Variants in LRRC1 observed in about 807,000 individuals in gnomAD.
LRRC1 encodes leucine rich repeat containing 1.
In LRRC1, 28 loss-of-function variants were observed where a neutral mutation model predicts 69.9. That is an observed-to-expected ratio of 0.40 (90% CI 0.30 to 0.55). The LOEUF (loss-of-function observed/expected upper bound fraction) is 0.55. Among genes scored for constraint, LRRC1 ranks in the 20% least tolerant of loss-of-function variants. The pLI, the probability that LRRC1 is intolerant of heterozygous loss-of-function variation, is 0.47. For synonymous variants in LRRC1, 236 were observed against 240.2 expected (o/e 0.98, Z 0.16); for missense variants, 498 against 609.0 (o/e 0.82, Z 1.92).
At chr6:53,835,960 G>A (rs1020184227) in intron 1 of LRRC1, among the ~76,000 whole-genome samples, 1 of 152,086 alleles carries the variant, frequency 6.6e-6, no homozygotes, top group African/African-American at 2.4e-5. Context: ...TTTGTGACTT[G>A]CTTTGACCAA....
Position 53,920,671 on chromosome 6 carries a change from C to T in LRRC1, c.1326C>T (p.Val442=). The T allele has an allele frequency of 1.2e-6, 2 of 1,614,120 alleles. No individual in the cohort carries two copies. The highest frequency in any genetic ancestry group is 8.5e-7 in the Non-Finnish European group (1 of 1,180,000). ...CACTGGAGAACTTGGTAAATGATGT[C>T]TCTGATGAAGCCTGGAACGAGCGTG... ...CGALENLVND[V]SDEAWNERAV... is the part of the protein sequence containing the mutation. The change falls in exon 13 of 14, where the codon GTC becomes GTT. Residue 442 remains valine (V), a synonymous_variant. Coordinates refer to ENST00000370888, the MANE Select transcript of LRRC1 (RefSeq NM_018214.5).
intron 1 of LRRC1, among the ~76,000 whole-genome samples, chr6:53,834,877 G>T (rs905182172): frequency 6.6e-6 from 1 of 152,182 alleles, no homozygotes; most frequent in Non-Finnish European, 1.5e-5. Context: ...CAGGAGAATG[G>T]TGTGAACCCG....
At chr6:53,857,133 T>A (rs933830886) in intron 2 of LRRC1, among the ~76,000 whole-genome samples, 1 of 152,096 alleles carries the variant, frequency 6.6e-6, no homozygotes, top group Admixed American at 6.5e-5. Context: ...GGGAGAAACT[T>A]TAATAGGAGA....
intron 2 of LRRC1, among the ~76,000 whole-genome samples, chr6:53,877,297 A>G (rs542331010): frequency 2.0e-4 from 30 of 152,080 alleles, no homozygotes; most frequent in Admixed American, 7.2e-4. Flanking sequence ...CCAGGAAACA[A>G]TTTTCTCCTA....
At chr6:53,840,927 T>TGTGTGTGTGTGTGC (rs578018808) in intron 1 of LRRC1, among the ~76,000 whole-genome samples, 26 of 132,602 alleles carry the variant, frequency 2.0e-4, no homozygotes, top group Admixed American at 6.0e-4. Context: ...TGTGTGTGTG[T>TGTGTGTGTGTGTGC]GCGTGCGCGC....
At position 53,919,628 on chromosome 6, in the gene LRRC1, T is replaced by A. The variant is rs774699394; in HGVS notation, c.1237T>A (p.Cys413Ser). The change falls in exon 12 of 14, where the codon TGT (cysteine) becomes AGT (serine). Residue 413 changes from cysteine to serine, a missense_variant. Cys to Ser is a moderately radical substitution (Grantham distance 112). This residue lies in a region of LRRC1 where 162 missense variants were observed against 162.9 expected (regional missense o/e 0.99). Transcript: ENST00000370888. ...DYTTGEKILTCVLLPQLPSEP... is the reference protein window; with the variant it reads ...DYTTGEKILTSVLLPQLPSEP... Reference sequence around the variant, plus strand: ...CACCACAGGAGAGAAGATTTTAACCTGTGTCTTACTTCCTCAGCTGCCTTC... The same window carrying A: ...CACCACAGGAGAGAAGATTTTAACCAGTGTCTTACTTCCTCAGCTGCCTTC... 2 of 1,613,820 alleles carry A rather than the reference T, an allele frequency of 1.2e-6. No homozygotes were observed. The highest frequency in any genetic ancestry group is 2.2e-5 in the South Asian group (2 of 91,014).
intron 10 of LRRC1, among the ~76,000 whole-genome samples, chr6:53,909,913 T>C (rs1768357906): frequency 6.6e-6 from 1 of 152,180 alleles, no homozygotes; most frequent in South Asian, 2.1e-4. Flanking sequence ...CCCTTATACT[T>C]AAGGCAAGCA....
intron 8 of LRRC1, among the ~76,000 whole-genome samples, 156 bp downstream of exon 8, chr6:53,900,047 T>G (rs1250510382): frequency 3.2e-5 from 3 of 94,970 alleles, no homozygotes; most frequent in East Asian, 3.7e-4. Flanking sequence ...TTTTTTTTTT[T>G]TTTTTTCTGA....
intron 2 of LRRC1, among the ~76,000 whole-genome samples, chr6:53,867,533 A>G (rs938260263): frequency 6.6e-6 from 1 of 152,236 alleles, no homozygotes; most frequent in African/African-American, 2.4e-5. Context: ...GTTGTAGGAA[A>G]AAGATTAATT....
intron 9 of LRRC1, among the ~76,000 whole-genome samples, chr6:53,903,844 G>A (rs1237645397): frequency 2.6e-5 from 4 of 152,342 alleles, no homozygotes; most frequent in South Asian, 4.1e-4. Flanking sequence ...GGATTGCACT[G>A]GAGTGTTGAA....
intron 1 of LRRC1, 104 bp from the exon 2 acceptor site, chr6:53,842,006 A>G: frequency 2.9e-6 from 2 of 679,834 alleles, no homozygotes; most frequent in South Asian, 3.8e-5. Context: ...TGTTGCTACA[A>G]CCTTCATTAG....
chr6:53,796,245 A>C (rs1764298173), intron 1 of LRRC1, among the ~76,000 whole-genome samples: 1 of 152,224 alleles, frequency 6.6e-6, no homozygotes, highest in Non-Finnish European at 1.5e-5. Context: ...TGATCACTCC[A>C]TTGCCGCCGA....
At chr6:53,840,503 C>T (rs1443488478) in intron 1 of LRRC1, among the ~76,000 whole-genome samples, 3 of 151,928 alleles carry the variant, frequency 2.0e-5, no homozygotes, top group African/African-American at 7.3e-5. Flanking sequence ...GGTGGGCCCT[C>T]TCAAACCAGA....
intron 1 of LRRC1, among the ~76,000 whole-genome samples, chr6:53,804,941 A>G (rs1189475486): frequency 6.6e-6 from 1 of 152,242 alleles, no homozygotes; most frequent in African/African-American, 2.4e-5. Context: ...GAAAATAAAG[A>G]CATGGGCTAC....
rs1562066475 is a variant in LRRC1 at position 53,900,038 on chromosome 6, T to TG, written c.787+147_787+148insG. The TG allele has an allele frequency of 1.7e-5, 12 of 693,036 alleles. No individual in the cohort carries two copies. The African/African-American group carries it at 2.5e-4, about 15-fold the overall frequency. 42.9% of individuals were successfully genotyped at this position (693,036 alleles called of 1,614,324 possible). Reference sequence around the variant, plus strand: ...CCTTACTGTTTTTTTTTTTTTTTTTTTTTTTTTTTTTTTTTCTGAGATGGA... The same window carrying TG: ...CCTTACTGTTTTTTTTTTTTTTTTTTGTTTTTTTTTTTTTTTCTGAGATGGA... On this transcript the variant is annotated intron_variant, in intron 8 of 13. Coordinates refer to ENST00000370888, the MANE Select transcript of LRRC1 (RefSeq NM_018214.5).
chr6:53,853,107 C>T (rs1407728695), intron 2 of LRRC1, among the ~76,000 whole-genome samples: 2 of 152,044 alleles, frequency 1.3e-5, no homozygotes, highest in Non-Finnish European at 2.9e-5. Flanking sequence ...CCATCTTCCT[C>T]TAGTTGAGTG....
chr6:53,882,540 T>G (rs1234080766), intron 3 of LRRC1, among the ~76,000 whole-genome samples: 1 of 152,198 alleles, frequency 6.6e-6, no homozygotes, highest in Non-Finnish European at 1.5e-5. Flanking sequence ...TTAGGCACTT[T>G]TAGCTGCAGC....
intron 4 of LRRC1, among the ~76,000 whole-genome samples, chr6:53,886,532 G>T (rs1056022304): frequency 1.1e-4 from 16 of 152,290 alleles, no homozygotes; most frequent in African/African-American, 3.4e-4. Context: ...CATGAATAGG[G>T]TAGGCTCGCT....
Position 53,856,061 on chromosome 6 carries a change from T to A in LRRC1, c.277+13834T>A, listed in dbSNP as rs572375433. On this transcript the variant is annotated intron_variant, in intron 2 of 13. Coordinates refer to ENST00000370888, the MANE Select transcript of LRRC1 (RefSeq NM_018214.5). ...CTTTACTGTGCTAGCAACTGTTCTG[T>A]CCTTCCTTAGGGATCCAAATTGTAA... Among the ~76,000 whole-genome samples, 4 of 152,328 alleles carry A rather than the reference T, an allele frequency of 2.6e-5. No homozygotes were observed. In the East Asian group the frequency reaches 7.7e-4, roughly 29 times the overall value.
Sources: gnomAD v4.1 joint callset for allele counts (sites outside exome capture counted in the v4.1 genomes callset) on GRCh38, gnomAD v4.1.1 for gene constraint, gnomAD v4.1.1 regional missense constraint, MANE v1.5 for transcripts, NCBI Gene and HGNC (gene_info 2026-07-23, HGNC 2026-07-21) for gene names.